MARCHF1: variants seen among roughly 807,000 people sequenced by gnomAD.
MARCHF1 encodes the protein membrane associated ring-CH-type finger 1.
A neutral mutation model predicts 54.2 loss-of-function variants in MARCHF1; 40 were observed. The observed-to-expected ratio is 0.74, with a 90% CI of 0.57 to 0.96. MARCHF1 has a LOEUF of 0.96. Ranked by LOEUF, MARCHF1 falls within the 40% of genes least tolerant of loss-of-function variation. MARCHF1 has a pLI of 0.00. For missense variants in MARCHF1, 586 were observed against 656.5 expected, an observed-to-expected ratio of 0.89 and a Z score of 1.17; for synonymous variants, 236 against 236.3, an observed-to-expected ratio of 1.00 and a Z score of 0.01.
At chr4:163,763,438 C>T (rs1406383081) in intron 4 of MARCHF1, among the ~76,000 whole-genome samples, 1 of 152,000 alleles carries the variant, frequency 6.6e-6, no homozygotes, top group African/African-American at 2.4e-5. Context: ...GATTTTTAAT[C>T]TGTAGACTGT....
intron 4 of MARCHF1, among the ~76,000 whole-genome samples, chr4:163,756,247 T>C (rs1746662014): frequency 6.6e-6 from 1 of 152,108 alleles, no homozygotes; most frequent in South Asian, 2.1e-4. Context: ...AGCCAGAATG[T>C]AATCCTATTT....
rs192552449 is a variant in MARCHF1, at chr4:164,145,393, C to A, written c.-322-33731G>T. 5.8e-3 allele frequency among the ~76,000 whole-genome samples: 884 copies of A among 152,046 alleles called. 3 individuals carry two copies. The highest frequency in any genetic ancestry group is 0.02 in the African/African-American group (842 of 41,464). ...AAAAAAGAGAATTTTAGACCAATATCCTTGATGAACATTGATGCAAAAATC... is the reference window on the plus strand; with the variant it reads ...AAAAAAGAGAATTTTAGACCAATATACTTGATGAACATTGATGCAAAAATC... On this transcript the variant is annotated intron_variant, in intron 1 of 9. Transcript: ENST00000514618.
intron 1 of MARCHF1, among the ~76,000 whole-genome samples, chr4:164,217,900 T>C (rs1356147939): frequency 6.6e-6 from 1 of 151,944 alleles, no homozygotes; most frequent in African/African-American, 2.4e-5. Flanking sequence ...GGTATTATTA[T>C]AACAAAAAGA....
intron 1 of MARCHF1, among the ~76,000 whole-genome samples, chr4:164,372,602 A>G (rs2110961776): frequency 6.6e-6 from 1 of 152,188 alleles, no homozygotes; most frequent in Non-Finnish European, 1.5e-5. Flanking sequence ...CACATTTGTT[A>G]TTTTATCCTG....
chr4:163,926,678 T>C (rs944364612), intron 3 of MARCHF1, among the ~76,000 whole-genome samples: 24 of 151,668 alleles, frequency 1.6e-4, no homozygotes, highest in Non-Finnish European at 3.1e-4. Flanking sequence ...TATATTTTGG[T>C]ATATGTATTA....
intron 2 of MARCHF1, among the ~76,000 whole-genome samples, chr4:164,039,541 G>A (rs1305573142): frequency 6.6e-6 from 1 of 152,084 alleles, no homozygotes; most frequent in Non-Finnish European, 1.5e-5. Flanking sequence ...AATTTATACT[G>A]TCAAAGGGAC....
At chr4:164,024,714 A>G (rs2110976288) in intron 2 of MARCHF1, among the ~76,000 whole-genome samples, 1 of 152,298 alleles carries the variant, frequency 6.6e-6, no homozygotes, top group East Asian at 1.9e-4. Context: ...CAATAAGATG[A>G]CAGGATCAAA....
chr4:164,043,992 C>G (rs553106568), intron 2 of MARCHF1, among the ~76,000 whole-genome samples: 24 of 152,292 alleles, frequency 1.6e-4, no homozygotes, highest in Non-Finnish European at 3.5e-4. Flanking sequence ...TCATCTCCAT[C>G]TGAGACCACC....
At chr4:163,894,651 GCA>G in intron 3 of MARCHF1, among the ~76,000 whole-genome samples, 1 of 6,246 alleles carries the variant, frequency 1.6e-4, no homozygotes, top group African/African-American at 1.9e-4. Context: ...TGCATGTGAT[GCA>G]TATATATGCA....
intron 4 of MARCHF1, among the ~76,000 whole-genome samples, chr4:163,820,284 T>C (rs978601055): frequency 1.3e-5 from 2 of 152,038 alleles, no homozygotes; most frequent in Non-Finnish European, 2.9e-5. Context: ...CCTTTTGAAG[T>C]AATCTCTTTT....
intron 4 of MARCHF1, among the ~76,000 whole-genome samples, chr4:163,842,169 G>T (rs1449745378): frequency 1.3e-5 from 2 of 152,002 alleles, no homozygotes; most frequent in Non-Finnish European, 2.9e-5. Flanking sequence ...AAATGTAGTG[G>T]ATAATTATTT....
At chr4:163,825,085 T>G (rs1230272373) in intron 4 of MARCHF1, among the ~76,000 whole-genome samples, 1 of 152,002 alleles carries the variant, frequency 6.6e-6, no homozygotes, top group Non-Finnish European at 1.5e-5. Context: ...AATACCAGTT[T>G]TTTGATCCTC....
chr4:164,221,612 T>G (rs1169029877), intron 1 of MARCHF1, among the ~76,000 whole-genome samples: 1 of 152,052 alleles, frequency 6.6e-6, no homozygotes, highest in Non-Finnish European at 1.5e-5. Context: ...TTTTTTTACA[T>G]AGACATTTGG....
At chr4:164,241,282 C>G (rs1297177554) in intron 1 of MARCHF1, among the ~76,000 whole-genome samples, 4 of 152,108 alleles carry the variant, frequency 2.6e-5, no homozygotes, top group Admixed American at 1.3e-4. Flanking sequence ...AGCCTCAGAA[C>G]TCTTGAGGAA....
chr4:163,548,572 A>T (rs756299795), intron 8 of MARCHF1, among the ~76,000 whole-genome samples: 12 of 152,228 alleles, frequency 7.9e-5, no homozygotes, highest in Non-Finnish European at 1.5e-4. Flanking sequence ...TCTAAGGAGA[A>T]GTGAAGCATA....
intron 1 of MARCHF1, among the ~76,000 whole-genome samples, chr4:164,139,934 TC>T (rs1041513097): frequency 1.3e-5 from 2 of 151,990 alleles, no homozygotes; most frequent in African/African-American, 4.8e-5. Context: ...ATTGATGACA[TC>T]TTTCACTTCA....
At chr4:163,862,740 T>G (rs1157597483) in intron 3 of MARCHF1, among the ~76,000 whole-genome samples, 3 of 152,112 alleles carry the variant, frequency 2.0e-5, no homozygotes, top group Admixed American at 2.0e-4. Context: ...TTTTAAAATT[T>G]ATGTCTCATG....
chr4:164,136,272 G>GGAAA (rs1553985321), intron 1 of MARCHF1, among the ~76,000 whole-genome samples: 3 of 121,520 alleles, frequency 2.5e-5, no homozygotes, highest in African/African-American at 9.5e-5. Context: ...AGTTGAAGTG[G>GGAAA]AAAAAAAAAA....
At chr4:164,283,500 G>T (rs1438888207) in intron 1 of MARCHF1, among the ~76,000 whole-genome samples, 1 of 150,858 alleles carries the variant, frequency 6.6e-6, no homozygotes, top group Non-Finnish European at 1.5e-5. Flanking sequence ...CTAACAAATA[G>T]AACACCGGAA....
Sources: allele counts gnomAD v4.1 joint callset (sites outside exome capture counted in the v4.1 genomes callset), GRCh38; gene constraint gnomAD v4.1.1; transcripts MANE v1.5; gene names NCBI Gene and HGNC (gene_info 2026-07-23, HGNC 2026-07-21).